Variants in NTN1 observed in about 807,000 individuals in gnomAD.
NTN1 encodes the protein netrin 1.
Under a neutral mutation model 54.2 loss-of-function variants are expected in NTN1, and 11 were observed. The observed-to-expected ratio is 0.20, with a 90% CI of 0.13 to 0.34. NTN1 has a LOEUF of 0.34. Among genes scored for constraint, NTN1 ranks in the 10% least tolerant of loss-of-function variants. NTN1 has a pLI of 1.00. For missense variants in NTN1, 740 were observed against 893.1 expected, an observed-to-expected ratio of 0.83 and a Z score of 2.18; for synonymous variants, 371 against 382.0, an observed-to-expected ratio of 0.97 and a Z score of 0.33.
At chr17:9,183,084 C>T (rs553698199) in intron 5 of NTN1, 115 bp downstream of exon 5, 1 of 1,081,982 alleles carries the variant, frequency 9.2e-7, no homozygotes, top group East Asian at 2.4e-5. Flanking sequence ...ACTGTCCGGG[C>T]TCTGCTCCGT....
At chr17:9,054,411 T>C (rs1456825223) in intron 2 of NTN1, among the ~76,000 whole-genome samples, 2 of 152,166 alleles carry the variant, frequency 1.3e-5, no homozygotes, top group Admixed American at 1.3e-4. Context: ...TGGCTTCCAC[T>C]TTCTCTTTGA....
Position 9,165,960 on chromosome 17 carries a change from T to C in NTN1, c.1207+2959T>C, listed in dbSNP as rs1013636585. On this transcript the variant is annotated intron_variant, in intron 3 of 6. Transcript: ENST00000173229. This position sits in a 1 kb window ranked among gnomAD's most constrained non-coding sequence, Gnocchi z 4.5. ...CATCTGATTGGTGAAGAAAGACATC[T>C]CTGGAAAGTCCAGATCTTTCCCCTC... 1.3e-5 allele frequency among the ~76,000 whole-genome samples: 2 copies of C among 152,186 alleles called. No homozygotes were observed. Among genetic ancestry groups the C allele is most frequent in the Non-Finnish European group, 2.9e-5 (2 of 68,018 alleles).
At chr17:9,008,323 A>G in the NTN1 span, among the ~76,000 whole-genome samples, 3 of 151,408 alleles carry the variant, frequency 2.0e-5, no homozygotes, top group Non-Finnish European at 4.4e-5. Flanking sequence ...TAGTTTATTT[A>G]TTTATTTATT....
chr17:9,040,353 A>G (rs184601920), intron 2 of NTN1, among the ~76,000 whole-genome samples: 1 of 152,290 alleles, frequency 6.6e-6, no homozygotes, highest in African/African-American at 2.4e-5. Flanking sequence ...CTATGTATTT[A>G]TAATTTTGAT....
chr17:9,191,865 TAAAAAAA>T (rs60675960), intron 5 of NTN1, among the ~76,000 whole-genome samples: 2,747 of 89,182 alleles, frequency 0.031, 78 homozygotes, highest in East Asian at 0.16. Context: ...TTATCGCTAC[TAAAAAAA>T]AAAAAAAAAA....
chr17:9,096,562 G>A (rs530770104), intron 2 of NTN1, among the ~76,000 whole-genome samples: 1 of 151,794 alleles, frequency 6.6e-6, no homozygotes, highest in Non-Finnish European at 1.5e-5. Context: ...TAGTAGAGAC[G>A]GGGTTTCACC....
intron 2 of NTN1, among the ~76,000 whole-genome samples, chr17:9,091,353 C>A (rs1376784656): frequency 6.6e-6 from 1 of 151,982 alleles, no homozygotes; most frequent in Non-Finnish European, 1.5e-5. Context: ...CTCCTAGGTT[C>A]AAGGGATCCT....
At position 9,156,328 on chromosome 17, in the gene NTN1, A is replaced by G. The variant is rs541400691; in HGVS notation, c.1019-6485A>G. Among the ~76,000 whole-genome samples, 6 of 151,930 alleles carry G rather than the reference A, an allele frequency of 3.9e-5. No homozygotes were observed. In the East Asian group the frequency reaches 1.2e-3, roughly 29 times the overall value. On this transcript the variant is annotated intron_variant, in intron 2 of 6. Transcript: ENST00000173229. Reference sequence around the variant, plus strand: ...AAGAACTGCTCTGGAAGGAGAAGACATGGTGATCCTGTGTGCTGGAGGGCT... The same window carrying G: ...AAGAACTGCTCTGGAAGGAGAAGACGTGGTGATCCTGTGTGCTGGAGGGCT...
intron 5 of NTN1, among the ~76,000 whole-genome samples, chr17:9,215,029 G>A (rs964538911): frequency 4.0e-5 from 6 of 151,382 alleles, no homozygotes; most frequent in South Asian, 4.2e-4. Flanking sequence ...AATTTATATC[G>A]TTTTTCTCCA....
At chr17:9,118,384 G>GGTGCGCACCT (rs1167338800) in intron 2 of NTN1, among the ~76,000 whole-genome samples, 2 of 152,274 alleles carry the variant, frequency 1.3e-5, no homozygotes, top group African/African-American at 4.8e-5. Flanking sequence ...CGGGCGTGGT[G>GGTGCGCACCT]GTGCGCACCT....
At chr17:9,015,201 C>T in the NTN1 span, among the ~76,000 whole-genome samples, 3 of 151,992 alleles carry the variant, frequency 2.0e-5, no homozygotes, top group South Asian at 2.1e-4. Context: ...ACTTGAGGTC[C>T]GGAGTTCAAG....
intron 5 of NTN1, among the ~76,000 whole-genome samples, chr17:9,191,865 T>TAAAAA (rs60675960): frequency 6.7e-5 from 6 of 89,186 alleles, no homozygotes; most frequent in African/African-American, 2.9e-4. Context: ...TTATCGCTAC[T>TAAAAA]AAAAAAAAAA....
intron 1 of NTN1, among the ~76,000 whole-genome samples, chr17:9,021,970 C>T (rs924839310): frequency 1.3e-5 from 2 of 152,050 alleles, no homozygotes; most frequent in African/African-American, 4.8e-5. Context: ...CGTGCAGAGT[C>T]GGGGTCCCCC....
intron 2 of NTN1, among the ~76,000 whole-genome samples, chr17:9,083,873 G>A (rs1358469756): frequency 3.3e-5 from 5 of 152,076 alleles, no homozygotes; most frequent in South Asian, 4.2e-4. Context: ...ATGAGTCTTC[G>A]CTTCCTTGGG....
upstream of NTN1, among the ~76,000 whole-genome samples, chr17:9,017,583 G>T (rs1457090830): frequency 1.3e-5 from 2 of 152,206 alleles, no homozygotes; most frequent in African/African-American, 4.8e-5. Context: ...CTCCTAGGGT[G>T]ATCCGTCTGG....
chr17:9,184,969 T>C (rs78800230), intron 5 of NTN1, among the ~76,000 whole-genome samples: 1,875 of 152,382 alleles, frequency 0.012, 32 homozygotes, highest in African/African-American at 0.041. Context: ...TTGATTTTGT[T>C]ACTGTTTATT....
chr17:9,234,964 G>GGT (rs1555580090), intron 6 of NTN1, among the ~76,000 whole-genome samples: 3 of 130,072 alleles, frequency 2.3e-5, no homozygotes, highest in African/African-American at 8.9e-5. Context: ...TTGTTTTTTG[G>GGT]TTTTTTTTTT....
intron 2 of NTN1, among the ~76,000 whole-genome samples, chr17:9,070,036 C>A (rs574218510): frequency 1.3e-5 from 2 of 152,158 alleles, no homozygotes; most frequent in Non-Finnish European, 2.9e-5. Context: ...GGCTGGAGCA[C>A]ATACCCGCCT....
At chr17:9,167,106 C>G (rs1378420441) in intron 3 of NTN1, among the ~76,000 whole-genome samples, 1 of 152,172 alleles carries the variant, frequency 6.6e-6, no homozygotes. Flanking sequence ...GGCGGCTGCA[C>G]TCTCCAGCTA....
Sources: allele counts gnomAD v4.1 joint callset (sites outside exome capture counted in the v4.1 genomes callset), GRCh38; gene constraint gnomAD v4.1.1; non-coding constraint Gnocchi (gnomAD v3.1); transcripts MANE v1.5; gene names NCBI Gene and HGNC (gene_info 2026-07-23, HGNC 2026-07-21).